The following RNF128 variants were observed in gnomAD, a reference collection of about 807,000 sequenced individuals.
The protein encoded by RNF128 is E3 ubiquitin-protein ligase RNF128.
A neutral mutation model predicts 26.2 loss-of-function variants in RNF128; 13 were observed. The observed-to-expected ratio is 0.50, with a 90% CI of 0.32 to 0.79. The LOEUF (loss-of-function observed/expected upper bound fraction) is 0.79, where lower values mean the gene tolerates loss of function less well. RNF128 is among the 30% of genes least tolerant of loss of function. RNF128 has a pLI of 0.03. For synonymous variants in RNF128, 149 were observed against 142.5 expected (o/e 1.05, Z -0.32); for missense variants, 315 against 349.7 (o/e 0.90, Z 0.79).
At chrX:106,774,357 T>G (rs909637518) in intron 2 of RNF128, among the ~76,000 whole-genome samples, 20 of 112,165 alleles carry the variant, frequency 1.8e-4, no homozygotes, top group African/African-American at 6.5e-4. Context: ...AAAGGCTAAC[T>G]CTTTCACTCA....
intron 1 of RNF128, among the ~76,000 whole-genome samples, chrX:106,706,325 G>A (rs781004715): frequency 9.1e-6 from 1 of 109,986 alleles, no homozygotes; most frequent in African/African-American, 3.3e-5. Flanking sequence ...ATGTGGATTT[G>A]TTTATACACA....
intron 1 of RNF128, among the ~76,000 whole-genome samples, chrX:106,716,771 G>A (rs776606670): frequency 9.0e-5 from 10 of 111,270 alleles, no homozygotes; most frequent in Non-Finnish European, 1.7e-4. Flanking sequence ...TCTAATGAAG[G>A]AGATAGGCAT....
Position 106,788,405 on chromosome X carries a change from A to T in RNF128, c.887+405A>T, listed in dbSNP as rs1334160016. On this transcript the variant is annotated intron_variant, in intron 4 of 6. Transcript: ENST00000255499. The stretch of plus-strand genomic sequence containing the variant: ...TTATATATAATATATATTATATATA[A>T]TATATAATATATAATATATATTATA... Among the ~76,000 whole-genome samples the T allele has an allele frequency of 1.1e-4, 5 of 44,089 alleles. No individual in the cohort carries two copies. In the Admixed American group the frequency reaches 1.8e-3, roughly 16 times the overall value. 38.3% of individuals were successfully genotyped at this position (44,089 alleles called of 115,157 possible).
At chrX:106,739,815 A>AT (rs1264546403) in intron 1 of RNF128, among the ~76,000 whole-genome samples, 1 of 111,145 alleles carries the variant, frequency 9.0e-6, no homozygotes, top group African/African-American at 3.3e-5. Flanking sequence ...TTTTTTATAG[A>AT]TTTTTTGGTA....
chrX:106,725,385 A>T (rs762451778), upstream of RNF128, among the ~76,000 whole-genome samples: 10 of 112,215 alleles, frequency 8.9e-5, no homozygotes, highest in Admixed American at 3.8e-4. Context: ...TATCAAGTAC[A>T]GAATTGGTCC....
At chrX:106,788,334 CTA>C (rs1437362715) in intron 4 of RNF128, among the ~76,000 whole-genome samples, 1 of 43,759 alleles carries the variant, frequency 2.3e-5, no homozygotes, top group Non-Finnish European at 3.9e-5. Context: ...ATTATATATA[CTA>C]TATATAATAT....
chrX:106,714,035 G>A (rs771145387), intron 1 of RNF128, among the ~76,000 whole-genome samples: 1 of 110,103 alleles, frequency 9.1e-6, no homozygotes, highest in African/African-American at 3.3e-5. Flanking sequence ...AATTAGTCGG[G>A]TGGTGGCAGG....
intron 1 of RNF128, among the ~76,000 whole-genome samples, chrX:106,763,607 C>T (rs1481497206): frequency 9.0e-6 from 1 of 111,728 alleles, no homozygotes; most frequent in East Asian, 2.8e-4. Flanking sequence ...CCCGGGTTCA[C>T]GCCATTCTCC....
intron 1 of RNF128, among the ~76,000 whole-genome samples, chrX:106,771,455 G>A (rs189195683): frequency 0.011 from 1,250 of 112,663 alleles, 7 homozygotes; most frequent in Non-Finnish European, 0.016. Flanking sequence ...CAGCAATGGC[G>A]TACGCCCCTC....
intron 2 of RNF128, among the ~76,000 whole-genome samples, chrX:106,775,225 A>G (rs1930446587): frequency 8.9e-6 from 1 of 112,082 alleles, no homozygotes; most frequent in Non-Finnish European, 1.9e-5. Flanking sequence ...CGAGGCTGGA[A>G]GGAAATTGGT....
At chrX:106,741,328 A>G (rs927190085) in intron 1 of RNF128, among the ~76,000 whole-genome samples, 14 of 111,532 alleles carry the variant, frequency 1.3e-4, no homozygotes, top group Non-Finnish European at 2.3e-4. Context: ...CCATCAGCCT[A>G]CTAGTGAACC....
chrX:106,774,515 A>C (rs1930432420), intron 2 of RNF128, among the ~76,000 whole-genome samples: 1 of 112,593 alleles, frequency 8.9e-6, no homozygotes, highest in Non-Finnish European at 1.9e-5. Context: ...CCATTTTCAA[A>C]AGATTTTCTC....
chrX:106,726,964 T>C lies in RNF128; in HGVS notation c.51T>C (p.Phe17=). The change falls in exon 1 of 7, where the codon TTT becomes TTC. Residue 17 remains phenylalanine, a synonymous_variant. Coordinates refer to ENST00000255499, the MANE Select transcript of RNF128 (RefSeq NM_194463.2). Reference sequence around the variant, plus strand: ...TCTCCTGCCGCGGTGGCTGCGGCTTTTCCAGATTGCTGGCATGGTGCTTCC... The same window carrying C: ...TCTCCTGCCGCGGTGGCTGCGGCTTCTCCAGATTGCTGGCATGGTGCTTCC... ...AGVSCRGGCG[F]SRLLAWCFLL... The C allele has an allele frequency of 8.4e-7, 1 of 1,192,748 alleles. No homozygotes were observed. The highest frequency in any genetic ancestry group is 1.1e-6 in the Non-Finnish European group (1 of 886,575).
chrX:106,793,789 G>A (rs145901235), intron 6 of RNF128, among the ~76,000 whole-genome samples: 1 of 111,332 alleles, frequency 9.0e-6, no homozygotes, highest in African/African-American at 3.3e-5. Context: ...CAGAAGTGAT[G>A]TTGTGCCCCT....
Position 106,738,248 on chromosome X carries a change from A to G in RNF128, c.484+10851A>G, listed in dbSNP as rs1418338242. Among the ~76,000 whole-genome samples the G allele has an allele frequency of 5.4e-5, 6 of 111,286 alleles. No homozygotes were observed. The Admixed American group carries it at 5.8e-4, about 11-fold the overall frequency. On this transcript the variant is annotated intron_variant, in intron 1 of 6. Transcript: ENST00000255499. ...AACCTAGACCTTATTTATCTTGTTCATCAAAAGGGGGATAATAATACCTAC... is the reference window on the plus strand; with the variant it reads ...AACCTAGACCTTATTTATCTTGTTCGTCAAAAGGGGGATAATAATACCTAC...
At chrX:106,734,604 G>T (rs903346432) in intron 1 of RNF128, among the ~76,000 whole-genome samples, 20 of 111,413 alleles carry the variant, frequency 1.8e-4, no homozygotes, top group Non-Finnish European at 3.8e-4. Context: ...TTTTGTATAT[G>T]TAAGTTCTAT....
chrX:106,734,077 C>G (rs941081879), intron 1 of RNF128, among the ~76,000 whole-genome samples: 1 of 111,520 alleles, frequency 9.0e-6, no homozygotes, highest in Non-Finnish European at 1.9e-5. Flanking sequence ...GTTTTGTATA[C>G]TGCTTTCTAT....
intron 1 of RNF128, among the ~76,000 whole-genome samples, chrX:106,701,922 T>C (rs781737272): frequency 1.8e-5 from 2 of 111,361 alleles, no homozygotes; most frequent in African/African-American, 6.5e-5. Context: ...ATTTAAAAAA[T>C]TGACATGATT....
chrX:106,698,645 T>C (rs938960179), intron 1 of RNF128, among the ~76,000 whole-genome samples: 1 of 111,354 alleles, frequency 9.0e-6, no homozygotes, highest in African/African-American at 3.3e-5. Flanking sequence ...CACCACTCAC[T>C]CTATCTTAGA....
Sources: gnomAD v4.1 joint callset for allele counts (sites outside exome capture counted in the v4.1 genomes callset) on GRCh38, gnomAD v4.1.1 for gene constraint, MANE v1.5 for transcripts, NCBI Gene and HGNC (gene_info 2026-07-23, HGNC 2026-07-21) for gene names.